CTNNA3: variants seen among roughly 807,000 people sequenced by gnomAD.
CTNNA3 encodes catenin alpha-3.
In CTNNA3, 76 loss-of-function variants were observed where a neutral mutation model predicts 95.7. The ratio of observed to expected loss-of-function variants is 0.79; its 90% CI spans 0.66 to 0.96. CTNNA3 has a LOEUF of 0.96. Among genes scored for constraint, CTNNA3 ranks in the 40% least tolerant of loss-of-function variants. CTNNA3 has a pLI of 0.00. For synonymous variants in CTNNA3, 431 were observed against 374.4 expected (o/e 1.15, Z -1.74); for missense variants, 1,191 against 1,089.8 (o/e 1.09, Z -1.31).
intron 5 of CTNNA3, among the ~76,000 whole-genome samples, chr10:67,397,658 C>T (rs1303211089): frequency 6.6e-6 from 1 of 152,194 alleles, no homozygotes; most frequent in Non-Finnish European, 1.5e-5. Context: ...AAAATGTCTC[C>T]AGGCCATGTC....
In CTNNA3 at chr10:66,887,637, A is replaced by T. The variant is rs139548650; in HGVS notation, c.1048-112113T>A. Among the ~76,000 whole-genome samples, 344 of 152,242 alleles carry T rather than the reference A, an allele frequency of 2.3e-3. 1 individual carries two copies. Among genetic ancestry groups the T allele is most frequent in the Middle Eastern group, 0.01 (3 of 294 alleles). ...AGGAGTGAGTAAAGTTATTACTATC[A>T]TACTTGTCAGACTGAATCTTTTGTC... On this transcript the variant is annotated intron_variant, in intron 7 of 17. Transcript: ENST00000433211.
At chr10:67,106,839 T>A (rs1201669225) in intron 7 of CTNNA3, among the ~76,000 whole-genome samples, 3 of 152,206 alleles carry the variant, frequency 2.0e-5, no homozygotes, top group African/African-American at 7.2e-5. Context: ...ATACCTAATA[T>A]ATGCCTCTTG....
intron 7 of CTNNA3, chr10:67,099,206 A>C (rs1318535916): frequency 6.6e-6 from 1 of 151,834 alleles, no homozygotes; most frequent in African/African-American, 2.4e-5. Flanking sequence ...CATTCAAATC[A>C]AATTAAGAAA....
At chr10:66,613,932 G>T (rs1365891417) in intron 10 of CTNNA3, among the ~76,000 whole-genome samples, 5 of 152,016 alleles carry the variant, frequency 3.3e-5, no homozygotes, top group African/African-American at 1.2e-4. Flanking sequence ...GAATATGTTT[G>T]CTTCCCAAAG....
chr10:66,096,269 C>T (rs2081382209), intron 14 of CTNNA3, among the ~76,000 whole-genome samples: 2 of 151,936 alleles, frequency 1.3e-5, no homozygotes, highest in Admixed American at 1.3e-4. Context: ...CAGAACAAAA[C>T]CTTTGATTTA....
chr10:67,061,598 T>C (rs941672896), intron 7 of CTNNA3, among the ~76,000 whole-genome samples: 1 of 152,164 alleles, frequency 6.6e-6, no homozygotes, highest in African/African-American at 2.4e-5. Flanking sequence ...TACCTGTGAA[T>C]TGTAGCAATG....
intron 5 of CTNNA3, among the ~76,000 whole-genome samples, chr10:67,485,187 G>A (rs1848396028): frequency 1.3e-5 from 2 of 152,174 alleles, no homozygotes; most frequent in African/African-American, 2.4e-5. Flanking sequence ...TGCAGCTGGA[G>A]GCCATTATCT....
At chr10:66,006,552 C>A (rs1289960379) in intron 15 of CTNNA3, among the ~76,000 whole-genome samples, 2 of 152,088 alleles carry the variant, frequency 1.3e-5, no homozygotes, top group African/African-American at 2.4e-5. Context: ...ACTGTAAATA[C>A]CATCACACTC....
chr10:65,930,893 C>T (rs923020235), intron 17 of CTNNA3, among the ~76,000 whole-genome samples: 1 of 152,088 alleles, frequency 6.6e-6, no homozygotes, highest in Non-Finnish European at 1.5e-5. Context: ...GCTGCAAGAG[C>T]AATGGGATGC....
In CTNNA3 at chr10:67,215,213, T is replaced by C. The variant is rs112570480; in HGVS notation, c.843+4394A>G. ...CTAACCATTGAATTTTTCATCATTATATTTTTCATTTTAGATAGCTCTGCC... is the reference window on the plus strand; with the variant it reads ...CTAACCATTGAATTTTTCATCATTACATTTTTCATTTTAGATAGCTCTGCC... On this transcript the variant is annotated intron_variant, in intron 6 of 17. Coordinates refer to ENST00000433211, the MANE Select transcript of CTNNA3 (RefSeq NM_013266.4). Among the ~76,000 whole-genome samples, 943 of 152,240 alleles carry C rather than the reference T, an allele frequency of 6.2e-3. 9 individuals are homozygous for C. The highest frequency in any genetic ancestry group is 0.022 in the African/African-American group (902 of 41,558).
chr10:66,509,924 T>C (rs1046044165), intron 11 of CTNNA3, among the ~76,000 whole-genome samples: 1 of 152,014 alleles, frequency 6.6e-6, no homozygotes, highest in African/African-American at 2.4e-5. Flanking sequence ...TGTTTTTCCA[T>C]TTCTGTAAGG....
chr10:66,234,568 A>G (rs1196531330), intron 13 of CTNNA3, among the ~76,000 whole-genome samples: 2 of 152,220 alleles, frequency 1.3e-5, no homozygotes, highest in Non-Finnish European at 2.9e-5. Context: ...TCTAATTTTT[A>G]TAAAATTGTG....
At position 66,384,392 on chromosome 10, in the gene CTNNA3, GCTAA is replaced by G. The variant is rs546373826; in HGVS notation, c.1532-5044_1532-5041del. Among the ~76,000 whole-genome samples the G allele has an allele frequency of 3.1e-3, 467 of 152,170 alleles. 2 individuals are homozygous for G. Among genetic ancestry groups the G allele is most frequent in the Middle Eastern group, 0.014 (4 of 294 alleles). On this transcript the variant is annotated intron_variant, in intron 11 of 17. Transcript: ENST00000433211. ...TAAAGGGATCAATTCAACAAGAAGA[GCTAA>G]CTATCATATATGCACCCAACACAGG...
At chr10:66,217,492 T>C (rs902171657) in intron 13 of CTNNA3, among the ~76,000 whole-genome samples, 8 of 152,216 alleles carry the variant, frequency 5.3e-5, no homozygotes, top group African/African-American at 1.9e-4. Context: ...AATAGTATTG[T>C]ATGGGATGGA....
intron 6 of CTNNA3, among the ~76,000 whole-genome samples, chr10:67,195,615 T>A (rs1439658445): frequency 6.6e-6 from 1 of 151,964 alleles, no homozygotes; most frequent in African/African-American, 2.4e-5. Context: ...TAGACCCATA[T>A]GAAGGAAGCA....
At chr10:67,206,756 C>G (rs2132227819) in intron 6 of CTNNA3, among the ~76,000 whole-genome samples, 1 of 151,588 alleles carries the variant, frequency 6.6e-6, no homozygotes, top group South Asian at 2.1e-4. Context: ...AATCTAGAAT[C>G]AGGACTCTAG....
At chr10:67,156,805 A>C (rs576193168) in intron 7 of CTNNA3, among the ~76,000 whole-genome samples, 2 of 152,176 alleles carry the variant, frequency 1.3e-5, no homozygotes, top group East Asian at 3.9e-4. Flanking sequence ...TAGTTGCATT[A>C]AGTCTAAAGT....
chr10:66,350,855 C>T (rs374696185), intron 12 of CTNNA3, among the ~76,000 whole-genome samples: 2 of 151,940 alleles, frequency 1.3e-5, no homozygotes, highest in African/African-American at 2.4e-5. Flanking sequence ...GCAAACAAAG[C>T]CTTGTCTATC....
rs148574553 is a variant in CTNNA3, at chr10:66,322,565, C to T, written c.1733-41944G>A. Among the ~76,000 whole-genome samples the T allele has an allele frequency of 5.8e-3, 885 of 152,148 alleles. 11 individuals are homozygous for T. The highest frequency in any genetic ancestry group is 0.02 in the African/African-American group (846 of 41,540). On this transcript the variant is annotated intron_variant, in intron 12 of 17. Coordinates refer to ENST00000433211, the MANE Select transcript of CTNNA3 (RefSeq NM_013266.4). ...GTTCCAGAAATCTCTATACAGATTT[C>T]CTGGAATCTTTGGCTGAGCTGTAAA...
Sources: gnomAD v4.1 joint callset for allele counts (sites outside exome capture counted in the v4.1 genomes callset) on GRCh38, gnomAD v4.1.1 for gene constraint, MANE v1.5 for transcripts, NCBI Gene and HGNC (gene_info 2026-07-23, HGNC 2026-07-21) for gene names.